Variants in PDSS2 observed in about 807,000 individuals in gnomAD.
PDSS2 encodes decaprenyl diphosphate synthase subunit 2, also known as all trans-polyprenyl-diphosphate synthase PDSS2.
In PDSS2, 31 loss-of-function variants were observed where a neutral mutation model predicts 44.5. The observed-to-expected ratio is 0.70, with a 90% CI of 0.52 to 0.94. The LOEUF (loss-of-function observed/expected upper bound fraction) is 0.94, where lower values mean the gene tolerates loss of function less well. Ranked by LOEUF, PDSS2 falls within the 40% of genes least tolerant of loss-of-function variation. The pLI is 0.00. For synonymous variants in PDSS2, 157 were observed against 180.3 expected (o/e 0.87, Z 1.03); for missense variants, 452 against 482.2 (o/e 0.94, Z 0.59).
At chr6:107,341,710 C>T (rs1393732357) in intron 1 of PDSS2, among the ~76,000 whole-genome samples, 1 of 152,142 alleles carries the variant, frequency 6.6e-6, no homozygotes, top group African/African-American at 2.4e-5. Context: ...CAGAGAACTA[C>T]AACAGTACAA....
chr6:107,245,282 A>G (rs1189560963), intron 4 of PDSS2, among the ~76,000 whole-genome samples: 1 of 152,140 alleles, frequency 6.6e-6, no homozygotes, highest in Non-Finnish European at 1.5e-5. Context: ...TGCTAGCCAG[A>G]AGCATCCCAG....
chr6:107,309,420 C>A (rs1459067395), intron 2 of PDSS2, among the ~76,000 whole-genome samples: 1 of 152,182 alleles, frequency 6.6e-6, no homozygotes, highest in South Asian at 2.1e-4. Flanking sequence ...ATACAGACAA[C>A]ACTCTGGCAA....
chr6:107,458,426 A>AAAAAAAAAAAC (rs1562555803), intron 1 of PDSS2, among the ~76,000 whole-genome samples: 1 of 140,390 alleles, frequency 7.1e-6, no homozygotes, highest in African/African-American at 2.5e-5. Flanking sequence ...AAAAAAAAAA[A>AAAAAAAAAAAC]AAAAAACTTT....
intron 3 of PDSS2, among the ~76,000 whole-genome samples, chr6:107,270,689 A>G (rs1030220986): frequency 2.6e-5 from 4 of 152,222 alleles, no homozygotes; most frequent in African/African-American, 9.6e-5. Flanking sequence ...GTGCTTCACC[A>G]AAATTTGTAC....
chr6:107,272,394 TG>T (rs2114935447), intron 3 of PDSS2, among the ~76,000 whole-genome samples: 1 of 152,306 alleles, frequency 6.6e-6, no homozygotes, highest in East Asian at 1.9e-4. Flanking sequence ...GCCCTTTTTT[TG>T]TCCTTCCTCG....
intron 1 of PDSS2, among the ~76,000 whole-genome samples, chr6:107,400,526 C>G (rs546221966): frequency 6.6e-6 from 1 of 152,110 alleles, no homozygotes; most frequent in Admixed American, 6.5e-5. Flanking sequence ...GGTTTTGCAA[C>G]CTGAGGATGA....
intron 4 of PDSS2, among the ~76,000 whole-genome samples, chr6:107,225,731 G>C (rs1773797889): frequency 6.6e-6 from 1 of 152,104 alleles, no homozygotes; most frequent in Non-Finnish European, 1.5e-5. Context: ...ATACTAACCA[G>C]CCAAGTTTGA....
At chr6:107,187,743 C>T (rs140480437) in intron 7 of PDSS2, among the ~76,000 whole-genome samples, 11 of 152,006 alleles carry the variant, frequency 7.2e-5, no homozygotes, top group Admixed American at 2.6e-4. Flanking sequence ...ACCTCCTGTA[C>T]GTCTCCTAAC....
intron 7 of PDSS2, among the ~76,000 whole-genome samples, chr6:107,190,358 T>C (rs1772330281): frequency 6.6e-6 from 1 of 152,298 alleles, no homozygotes; most frequent in African/African-American, 2.4e-5. Flanking sequence ...CTCCCCAACT[T>C]ACTGCGTGTG....
chr6:107,305,957 C>G lies in PDSS2; in HGVS notation c.431+28241G>C, dbSNP rs909462607. On this transcript the variant is annotated intron_variant, in intron 2 of 7. Transcript: ENST00000369037. ...CAGAATAGAAGAATATTGAGGATACCCATCATCTAACCTGGTACCTCATTT... is the reference window on the plus strand; with the variant it reads ...CAGAATAGAAGAATATTGAGGATACGCATCATCTAACCTGGTACCTCATTT... 3.3e-5 allele frequency among the ~76,000 whole-genome samples: 5 copies of G among 151,974 alleles called. 1 individual carries two copies. In the South Asian group the frequency reaches 1.0e-3, roughly 32 times the overall value.
At chr6:107,361,115 A>G (rs1778760270) in intron 1 of PDSS2, among the ~76,000 whole-genome samples, 1 of 152,236 alleles carries the variant, frequency 6.6e-6, no homozygotes. Context: ...GAAAAAAATT[A>G]GAATTTTAAC....
chr6:107,228,688 C>T (rs1773921829), intron 4 of PDSS2, among the ~76,000 whole-genome samples: 1 of 145,424 alleles, frequency 6.9e-6, no homozygotes, highest in Admixed American at 7.2e-5. Flanking sequence ...GAGGGAGACT[C>T]TATCTCAAAA....
At chr6:107,377,643 C>G (rs1779326300) in intron 1 of PDSS2, among the ~76,000 whole-genome samples, 1 of 152,074 alleles carries the variant, frequency 6.6e-6, no homozygotes, top group Admixed American at 6.6e-5. Flanking sequence ...ACCCAAATGT[C>G]CAACAACGAT....
intron 1 of PDSS2, among the ~76,000 whole-genome samples, chr6:107,452,669 C>CT (rs894457230): frequency 4.1e-4 from 61 of 147,124 alleles, no homozygotes; most frequent in Admixed American, 3.4e-4. Context: ...AAGTTTCAAA[C>CT]TTTTTTTTTT....
At chr6:107,173,598 C>A (rs1193651519) in intron 7 of PDSS2, among the ~76,000 whole-genome samples, 160 of 52,866 alleles carry the variant, frequency 3.0e-3, no homozygotes, top group Non-Finnish European at 4.1e-3. Context: ...AAAAAAAAAA[C>A]GCTTAGAACA....
At chr6:107,165,757 G>A (rs1771320909) in intron 7 of PDSS2, among the ~76,000 whole-genome samples, 1 of 152,032 alleles carries the variant, frequency 6.6e-6, no homozygotes, top group Admixed American at 6.6e-5. Flanking sequence ...ACCTTGGGCA[G>A]TATGGCCATT....
At chr6:107,220,172 G>T (rs1055690926) in intron 4 of PDSS2, among the ~76,000 whole-genome samples, 3 of 151,966 alleles carry the variant, frequency 2.0e-5, no homozygotes, top group African/African-American at 7.3e-5. Context: ...CTTGATAAAA[G>T]TTACTAAAAA....
At chr6:107,360,979 G>A (rs1778755511) in intron 1 of PDSS2, among the ~76,000 whole-genome samples, 1 of 152,124 alleles carries the variant, frequency 6.6e-6, no homozygotes, top group Non-Finnish European at 1.5e-5. Flanking sequence ...ATAGAAGACA[G>A]CTTATTTTTA....
chr6:107,165,021 T>C (rs1394008950), intron 7 of PDSS2, among the ~76,000 whole-genome samples: 4 of 152,238 alleles, frequency 2.6e-5, no homozygotes, highest in African/African-American at 4.8e-5. Context: ...GGTTGTTTTT[T>C]TCTTGTAAAT....
Sources: allele counts gnomAD v4.1 joint callset (sites outside exome capture counted in the v4.1 genomes callset), GRCh38; gene constraint gnomAD v4.1.1; transcripts MANE v1.5; gene names NCBI Gene and HGNC (gene_info 2026-07-23, HGNC 2026-07-21).